MEI1: variants seen among roughly 807,000 people sequenced by gnomAD.
MEI1 encodes the protein meiotic double-stranded break formation protein 1.
Under a neutral mutation model 146.2 loss-of-function variants are expected in MEI1, and 103 were observed. The ratio of observed to expected loss-of-function variants is 0.70; its 90% CI spans 0.60 to 0.83. The LOEUF (loss-of-function observed/expected upper bound fraction) is 0.83, where lower values mean the gene tolerates loss of function less well. Among genes scored for constraint, MEI1 ranks in the 40% least tolerant of loss-of-function variants. The pLI is 0.00. For synonymous variants in MEI1, 652 were observed against 628.2 expected (o/e 1.04, Z -0.57); for missense variants, 1,529 against 1,533.0 (o/e 1.00, Z 0.04).
chr22:41,780,198 C>T (rs1304260178), intron 22 of MEI1, among the ~76,000 whole-genome samples: 1 of 152,154 alleles, frequency 6.6e-6, no homozygotes, highest in Non-Finnish European at 1.5e-5. Flanking sequence ...GGCTGAAACC[C>T]ACACATGAAA....
At chr22:41,703,912 G>A (rs2068893448) in intron 2 of MEI1, among the ~76,000 whole-genome samples, 1 of 152,186 alleles carries the variant, frequency 6.6e-6, no homozygotes, top group Non-Finnish European at 1.5e-5. Flanking sequence ...CTTGAACCCT[G>A]GAGGTGGAGG....
At chr22:41,734,347 CTT>C (rs1287530982) in intron 11 of MEI1, among the ~76,000 whole-genome samples, 4 of 152,054 alleles carry the variant, frequency 2.6e-5, no homozygotes, top group African/African-American at 9.7e-5. Context: ...AATCCCAGCA[CTT>C]TGGGAGGCTG....
intron 14 of MEI1, among the ~76,000 whole-genome samples, chr22:41,747,004 T>C (rs1356721541): frequency 1.3e-5 from 2 of 152,030 alleles, no homozygotes; most frequent in Non-Finnish European, 2.9e-5. Flanking sequence ...TTCTTTCTAC[T>C]TTTCTGTATT....
At chr22:41,735,758 C>T (rs5758439) in intron 11 of MEI1, among the ~76,000 whole-genome samples, 126,845 of 152,118 alleles carry the variant, frequency 0.83, 53,838 homozygotes, top group African/African-American at 0.95. Flanking sequence ...GACTCCATCA[C>T]CTTTAATCAG....
At chr22:41,709,974 C>T (rs985551272) in intron 3 of MEI1, among the ~76,000 whole-genome samples, 7 of 151,814 alleles carry the variant, frequency 4.6e-5, no homozygotes, top group Admixed American at 6.6e-5. Context: ...ATATGTACCC[C>T]CCACCCCCGG....
chr22:41,728,669 A>C (rs543720546), intron 7 of MEI1, among the ~76,000 whole-genome samples: 1 of 152,260 alleles, frequency 6.6e-6, no homozygotes, highest in African/African-American at 2.4e-5. Flanking sequence ...ATTTGAGACC[A>C]GTCTGGGCAA....
At chr22:41,798,442 G>T (rs1453272339) in intron 30 of MEI1, among the ~76,000 whole-genome samples, 1 of 152,082 alleles carries the variant, frequency 6.6e-6, no homozygotes, top group Admixed American at 6.6e-5. Context: ...GCTGGGCGTG[G>T]TAGCATGAGC....
chr22:41,737,296 G>T (rs1018158572), intron 11 of MEI1, among the ~76,000 whole-genome samples: 12 of 148,204 alleles, frequency 8.1e-5, no homozygotes, highest in Admixed American at 8.1e-4. Context: ...GAGTGCAGTG[G>T]CGCGATCTCG....
intron 11 of MEI1, among the ~76,000 whole-genome samples, chr22:41,738,854 A>T (rs779274404): frequency 4.6e-5 from 7 of 151,548 alleles, no homozygotes; most frequent in Non-Finnish European, 8.8e-5. Flanking sequence ...TATGGTCCCA[A>T]CTACTTGGGA....
At chr22:41,713,956 G>C in intron 3 of MEI1, 46 bp from the exon 4 acceptor site, 1 of 1,512,732 alleles carries the variant, frequency 6.6e-7, no homozygotes, top group South Asian at 1.2e-5. Context: ...GGTGGACTCT[G>C]GGTTGGGGGT....
intron 9 of MEI1, 64 bp downstream of exon 9, chr22:41,730,701 A>C (rs538590188): frequency 1.9e-6 from 2 of 1,031,698 alleles, no homozygotes; most frequent in African/African-American, 3.2e-5. Flanking sequence ...CTTGGGTAGC[A>C]GCCGCAGTGA....
intron 3 of MEI1, among the ~76,000 whole-genome samples, chr22:41,710,226 AAG>A (rs1403333107): frequency 6.6e-6 from 1 of 152,156 alleles, no homozygotes; most frequent in Non-Finnish European, 1.5e-5. Flanking sequence ...GCAAGCCAGG[AAG>A]AGAGGCCTCA....
At chr22:41,750,921 C>T (rs958058036) in intron 15 of MEI1, among the ~76,000 whole-genome samples, 1 of 152,132 alleles carries the variant, frequency 6.6e-6, no homozygotes, top group African/African-American at 2.4e-5. Context: ...CTTCCGGACC[C>T]AAGAGGATCT....
At chr22:41,780,744 C>A (rs752787460) in intron 22 of MEI1, among the ~76,000 whole-genome samples, 49 of 152,156 alleles carry the variant, frequency 3.2e-4, no homozygotes, top group Admixed American at 1.2e-3. Context: ...CCATGCCCAG[C>A]TAATTTTTTG....
chr22:41,749,792 GA>G, intron 15 of MEI1, among the ~76,000 whole-genome samples: 1 of 152,204 alleles, frequency 6.6e-6, no homozygotes, highest in East Asian at 1.9e-4. Context: ...TGTAGGGCTT[GA>G]AAGAGAGGGA....
intron 26 of MEI1, among the ~76,000 whole-genome samples, chr22:41,785,052 T>G (rs1345427414): frequency 6.6e-6 from 1 of 151,238 alleles, no homozygotes; most frequent in Non-Finnish European, 1.5e-5. Flanking sequence ...TTCTCCTGCC[T>G]TAGCCTCCCG....
At chr22:41,746,916 C>T (rs184695309) in intron 14 of MEI1, among the ~76,000 whole-genome samples, 1 of 152,272 alleles carries the variant, frequency 6.6e-6, no homozygotes, top group East Asian at 1.9e-4. Context: ...GTTTACTCAC[C>T]TGCCCTGCCT....
At chr22:41,724,481 G>A (rs1416162926) in intron 7 of MEI1, among the ~76,000 whole-genome samples, 1 of 152,136 alleles carries the variant, frequency 6.6e-6, no homozygotes, top group Non-Finnish European at 1.5e-5. Context: ...AGCTGGGCGT[G>A]GTGGCACACA....
rs751266137 is a variant in MEI1 at position 41,743,162 on chromosome 22, T to G, written c.1414T>G (p.Phe472Val). Reference sequence around the variant, plus strand: ...AGCCATGCTAAACCGATGTGCGGAGTTTTCCCAGACCTTGCTGAGCAGGAG... The same window carrying G: ...AGCCATGCTAAACCGATGTGCGGAGGTTTCCCAGACCTTGCTGAGCAGGAG... The part of the protein sequence containing the change: ...LEAMLNRCAE[F>V]SQTLLSRRPL... Residue 472 changes from phenylalanine to valine, a missense_variant, in exon 12 of 31, where the codon TTT (phenylalanine) becomes GTT (valine). Transcript: ENST00000401548. 6.2e-7 allele frequency: 1 copy of G among 1,613,018 alleles called. No homozygotes were observed.
Sources: gnomAD v4.1 joint callset for allele counts (sites outside exome capture counted in the v4.1 genomes callset) on GRCh38, gnomAD v4.1.1 for gene constraint, MANE v1.5 for transcripts, NCBI Gene and HGNC (gene_info 2026-07-23, HGNC 2026-07-21) for gene names.